The following SLC6A5 variants were observed in gnomAD, a reference collection of about 807,000 sequenced individuals.
SLC6A5 encodes the protein solute carrier family 6 member 5.
SLC6A5 carries 58 observed loss-of-function variants against 90.5 expected under a neutral mutation model. The ratio of observed to expected loss-of-function variants is 0.64; its 90% CI spans 0.52 to 0.80. SLC6A5 has a LOEUF of 0.80. Ranked by LOEUF, SLC6A5 falls within the 30% of genes least tolerant of loss-of-function variation. The probability of loss-of-function intolerance (pLI) is 0.00; values close to 1 mark genes in which losing one functional copy is unlikely to be tolerated. For missense variants in SLC6A5, 1,015 were observed against 1,017.6 expected, an observed-to-expected ratio of 1.00 and a Z score of 0.03; for synonymous variants, 427 against 401.4, an observed-to-expected ratio of 1.06 and a Z score of -0.76.
chr11:20,615,839 G>A (rs1214143584), intron 6 of SLC6A5, among the ~76,000 whole-genome samples: 1 of 152,132 alleles, frequency 6.6e-6, no homozygotes, highest in Non-Finnish European at 1.5e-5. Context: ...AGGGGGTGGG[G>A]ACTGTAGCAA....
intron 7 of SLC6A5, among the ~76,000 whole-genome samples, chr11:20,623,802 C>T (rs1852938378): frequency 6.6e-6 from 1 of 152,108 alleles, no homozygotes; most frequent in South Asian, 2.1e-4. Context: ...AATGTTCTCC[C>T]AGACATCCAG....
intron 4 of SLC6A5, 99 bp from the exon 5 acceptor site, chr11:20,607,380 T>C: frequency 7.2e-7 from 1 of 1,386,580 alleles, no homozygotes; most frequent in Non-Finnish European, 1.0e-6. Flanking sequence ...ATCCATTCTG[T>C]ACAAGAGAGC....
chr11:20,631,098 A>G (rs1320679098), intron 10 of SLC6A5, among the ~76,000 whole-genome samples: 1 of 152,164 alleles, frequency 6.6e-6, no homozygotes, highest in African/African-American at 2.4e-5. Flanking sequence ...GCTCCAGTCT[A>G]TAGAAATAAG....
chr11:20,654,892 A>G lies in SLC6A5; in HGVS notation c.*24A>G. 1.2e-6 allele frequency: 2 copies of G among 1,612,796 alleles called. No homozygotes were observed. Among genetic ancestry groups the G allele is most frequent in the Non-Finnish European group, 1.7e-6 (2 of 1,178,772 alleles). On this transcript the variant is annotated 3_prime_UTR_variant, in exon 16 of 16. Transcript: ENST00000525748. ...AGTCCAGTGGTGTGGGATGGTCCAG[A>G]CTTGATCCTGTTTTTCCTCTCTGCC...
intron 13 of SLC6A5, among the ~76,000 whole-genome samples, chr11:20,645,930 C>T (rs1002730404): frequency 2.6e-5 from 4 of 152,212 alleles, no homozygotes; most frequent in Admixed American, 6.5e-5. Context: ...CCACCACGCC[C>T]GGCCAGAATG....
intron 3 of SLC6A5, among the ~76,000 whole-genome samples, chr11:20,606,253 A>G (rs1852579025): frequency 6.6e-6 from 1 of 152,274 alleles, no homozygotes; most frequent in African/African-American, 2.4e-5. Context: ...TTTGAGGAAT[A>G]AAGAGATGCA....
chr11:20,650,329 A>T (rs2133822713), intron 14 of SLC6A5, among the ~76,000 whole-genome samples: 1 of 152,314 alleles, frequency 6.6e-6, no homozygotes, highest in Non-Finnish European at 1.5e-5. Flanking sequence ...CATTTTCAGC[A>T]CTTAAATTCC....
At position 20,654,769 on chromosome 11, in the gene SLC6A5, C is replaced by T. The variant is rs147975180; in HGVS notation, c.2295C>T (p.His765=). ...ACTGGGGCCCATTCTTAGCTCAACA[C>T]CGCGGGGAGCGTTACAAGAACATGA... ...QPDWGPFLAQ[H]RGERYKNMID... The change falls in exon 16 of 16, where the codon CAC becomes CAT. Residue 765 remains histidine (H), a synonymous_variant. Coordinates refer to ENST00000525748, the MANE Select transcript of SLC6A5 (RefSeq NM_004211.5). The T allele has an allele frequency of 2.5e-4, 405 of 1,614,124 alleles. 1 individual carries two copies. In the African/African-American group the frequency reaches 5.1e-3, roughly 20 times the overall value.
chr11:20,620,583 AAGAG>A (rs1318245209), intron 7 of SLC6A5, among the ~76,000 whole-genome samples: 3 of 152,156 alleles, frequency 2.0e-5, no homozygotes, highest in African/African-American at 7.2e-5. Flanking sequence ...TTGGAAGAGA[AAGAG>A]AGCTTTGTTG....
chr11:20,657,640 C>T lies in SLC6A5; in HGVS notation c.*2772C>T, dbSNP rs1519740. ...TTCCCTTCAAAGTGGGGGAAAAAAC[C>T]GAGTAGCTGAGGAAAGACTTTCATT... On this transcript the variant is annotated 3_prime_UTR_variant, in exon 16 of 16. Coordinates refer to ENST00000525748, the MANE Select transcript of SLC6A5 (RefSeq NM_004211.5). 4 of 152,146 alleles carry T rather than the reference C, an allele frequency of 2.6e-5. No homozygotes were observed. Among genetic ancestry groups the T allele is most frequent in the South Asian group, 2.1e-4 (1 of 4,822 alleles). 9.4% of individuals were successfully genotyped at this position (152,146 alleles called of 1,614,324 possible). A position where few individuals can be genotyped will look rare whatever the true frequency, so the allele number is the denominator to read the frequency against.
rs558801376 is a variant in SLC6A5 at position 20,656,435 on chromosome 11, C to A, written c.*1567C>A. 1.3e-5 allele frequency: 2 copies of A among 152,164 alleles called. No individual in the cohort carries two copies. Among genetic ancestry groups the A allele is most frequent in the East Asian group, 3.9e-4 (2 of 5,176 alleles). 9.4% of individuals were successfully genotyped at this position (152,164 alleles called of 1,614,324 possible). On this transcript the variant is annotated 3_prime_UTR_variant, in exon 16 of 16. Coordinates refer to ENST00000525748, the MANE Select transcript of SLC6A5 (RefSeq NM_004211.5). Reference sequence around the variant, plus strand: ...GGGTCTCAGGCAAAGTTTTTCAGTTCAAATCTTGTATATTGTTGTGACATT... The same window carrying A: ...GGGTCTCAGGCAAAGTTTTTCAGTTAAAATCTTGTATATTGTTGTGACATT...
chr11:20,606,882 C>G, intron 3 of SLC6A5, 125 bp from the exon 4 acceptor site: 1 of 1,202,928 alleles, frequency 8.3e-7, no homozygotes, highest in Non-Finnish European at 1.2e-6. Flanking sequence ...AGGGCTTCTT[C>G]AGGAATGGAG....
In SLC6A5 at chr11:20,611,767, G is replaced by GGA. The variant is rs1395053927; in HGVS notation, c.986-2912_986-2911insGA. ...GGTTTATTTGTTTATTTATTTTGGT[G>GGA]AAAAAAAAAAAAAAACAAGGTGTCA... On this transcript the variant is annotated intron_variant, in intron 5 of 15. Transcript: ENST00000525748. Among the ~76,000 whole-genome samples the GGA allele has an allele frequency of 4.9e-5, 7 of 144,026 alleles. No homozygotes were observed. The East Asian group carries it at 1.5e-3, about 30-fold the overall frequency. The allele number at this position is 144,026 out of a possible 152,430, so 94.5% of individuals were successfully genotyped here. A position where few individuals can be genotyped will look rare whatever the true frequency, so the allele number is the denominator to read the frequency against.
chr11:20,609,060 T>G (rs922562781), intron 5 of SLC6A5, among the ~76,000 whole-genome samples: 11 of 151,870 alleles, frequency 7.2e-5, no homozygotes, highest in African/African-American at 2.7e-4. Flanking sequence ...CAGAAGCCCC[T>G]GTCTCTGGCT....
intron 7 of SLC6A5, among the ~76,000 whole-genome samples, chr11:20,622,216 C>T (rs1852905337): frequency 6.6e-6 from 1 of 152,236 alleles, no homozygotes. Flanking sequence ...CAATGCACAC[C>T]TGTCTCACAT....
chr11:20,644,968 T>A (rs1313977948), intron 13 of SLC6A5, among the ~76,000 whole-genome samples: 1 of 150,356 alleles, frequency 6.7e-6, no homozygotes, highest in African/African-American at 2.5e-5. Flanking sequence ...TGCGTCACCA[T>A]GCCCGGCTGA....
At chr11:20,649,918 G>C (rs1408738744) in intron 14 of SLC6A5, among the ~76,000 whole-genome samples, 1 of 152,156 alleles carries the variant, frequency 6.6e-6, no homozygotes, top group African/African-American at 2.4e-5. Flanking sequence ...TTCCATAGAA[G>C]ACTTTTTTCC....
chr11:20,613,079 C>T (rs1352276262), intron 5 of SLC6A5, among the ~76,000 whole-genome samples: 1 of 152,118 alleles, frequency 6.6e-6, no homozygotes, highest in Non-Finnish European at 1.5e-5. Context: ...ATCCCTGCTC[C>T]CTATTCACAT....
chr11:20,625,219 C>T (rs907613164), intron 7 of SLC6A5, among the ~76,000 whole-genome samples: 4 of 152,158 alleles, frequency 2.6e-5, no homozygotes, highest in Non-Finnish European at 4.4e-5. Flanking sequence ...CTACCATGTT[C>T]AACTAACCCC....
Sources: allele counts gnomAD v4.1 joint callset (sites outside exome capture counted in the v4.1 genomes callset), GRCh38; gene constraint gnomAD v4.1.1; transcripts MANE v1.5; gene names NCBI Gene and HGNC (gene_info 2026-07-23, HGNC 2026-07-21).